Variants in ZNF100 observed in about 807,000 individuals in gnomAD.
ZNF100 encodes the protein zinc finger protein 100.
Under a neutral mutation model 15.8 loss-of-function variants are expected in ZNF100, and 12 were observed. The observed-to-expected ratio is 0.76, with a 90% CI of 0.49 to 1.23. The LOEUF (loss-of-function observed/expected upper bound fraction) is 1.23, where lower values mean the gene tolerates loss of function less well. ZNF100 is among the 50% of genes most tolerant of loss of function. The pLI is 0.00. For missense variants in ZNF100, 670 were observed against 635.6 expected, an observed-to-expected ratio of 1.05 and a Z score of -0.58; for synonymous variants, 226 against 214.8, an observed-to-expected ratio of 1.05 and a Z score of -0.45.
intron 4 of ZNF100, chr19:21,743,323 T>C (rs2036152244): frequency 6.6e-6 from 1 of 152,178 alleles, no homozygotes; most frequent in Non-Finnish European, 1.5e-5. Flanking sequence ...AAAGAATAAA[T>C]ATTGTTAAAG....
In ZNF100 at chr19:21,727,577, G is replaced by A; in HGVS notation, c.735C>T (p.Phe245=). The A allele has an allele frequency of 6.2e-7, 1 of 1,613,710 alleles. No individual in the cohort carries two copies. Among genetic ancestry groups the A allele is most frequent in the Non-Finnish European group, 8.5e-7 (1 of 1,179,790 alleles). The change falls in exon 5 of 5, where the codon TTC becomes TTT. Residue 245 remains phenylalanine (F), a synonymous_variant. Coordinates refer to ENST00000358296, the MANE Select transcript of ZNF100 (RefSeq NM_173531.4). ...TTCTCCTGTGTGTAGTAAGGGTTGAGAACCAGTTGAAGGCTTTGCCACAAT... is the reference window on the plus strand; with the variant it reads ...TTCTCCTGTGTGTAGTAAGGGTTGAAAACCAGTTGAAGGCTTTGCCACAAT... ...CKDCGKAFNW[F]STLTTHRRIH... is the part of the protein sequence containing the mutation.
In ZNF100 at chr19:21,726,633, T is replaced by C. The variant is rs1407344273; in HGVS notation, c.*50A>G. The stretch of plus-strand genomic sequence containing the variant: ...CAGGAGTTCCCTCCAGTATGAATTT[T>C]TTTATGTTTAGTAAGAGTTGAGGAC... On this transcript the variant is annotated 3_prime_UTR_variant, in exon 5 of 5. Coordinates refer to ENST00000358296, the MANE Select transcript of ZNF100 (RefSeq NM_173531.4). The C allele has an allele frequency of 1.3e-6, 2 of 1,517,636 alleles. No individual in the cohort carries two copies. Among genetic ancestry groups the C allele is most frequent in the Non-Finnish European group, 1.8e-6 (2 of 1,126,252 alleles). 94.0% of individuals were successfully genotyped at this position (1,517,636 alleles called of 1,614,324 possible).
At chr19:21,748,380 A>G (rs1357067584) in intron 2 of ZNF100, among the ~76,000 whole-genome samples, 1 of 152,118 alleles carries the variant, frequency 6.6e-6, no homozygotes, top group African/African-American at 2.4e-5. Flanking sequence ...CAGGGAAAGG[A>G]CCCTATGGAG....
In ZNF100 at chr19:21,727,275, T is replaced by C; in HGVS notation, c.1037A>G (p.Lys346Arg). The change falls in exon 5 of 5, where the codon AAA (lysine) becomes AGA (arginine). Residue 346 changes from lysine to arginine, a missense_variant. Lys to Arg is a conservative substitution (Grantham distance 26). Transcript: ENST00000358296. The part of the protein sequence containing the change: ...RIIHTGEKPY[K>R]CEECGKAFNQ... The stretch of plus-strand genomic sequence containing the variant: ...AAAGGCTTTGCCACATTCTTCACAT[T>C]TGTAGGGTTTCTCTCCAGTATGAAT... 1.2e-6 allele frequency: 2 copies of C among 1,613,604 alleles called. No individual in the cohort carries two copies.
At position 21,726,567 on chromosome 19, in the gene ZNF100, T is replaced by A; in HGVS notation, c.*116A>T. The A allele has an allele frequency of 2.2e-6, 2 of 928,524 alleles. No homozygotes were observed. The highest frequency in any genetic ancestry group is 3.2e-6 in the Non-Finnish European group (2 of 626,952). 57.5% of individuals were successfully genotyped at this position (928,524 alleles called of 1,614,324 possible). On this transcript the variant is annotated 3_prime_UTR_variant, in exon 5 of 5. Transcript: ENST00000358296. ...TGAATTATCTTATGTCTGTTAGGAA[T>A]TGAGAATTTATTAAAGGCTTTGCCA...
At chr19:21,730,802 A>G (rs1483804388) in intron 4 of ZNF100, among the ~76,000 whole-genome samples, 1 of 150,286 alleles carries the variant, frequency 6.7e-6, no homozygotes, top group African/African-American at 2.4e-5. Context: ...TATGGATTAT[A>G]TTACATGAAC....
intron 4 of ZNF100, among the ~76,000 whole-genome samples, chr19:21,743,652 T>C (rs1407557164): frequency 6.6e-6 from 1 of 152,034 alleles, no homozygotes; most frequent in Non-Finnish European, 1.5e-5. Context: ...AAAAAATAGT[T>C]TAACATAGAG....
chr19:21,740,302 T>C (rs1435499251), intron 4 of ZNF100, among the ~76,000 whole-genome samples: 1 of 152,172 alleles, frequency 6.6e-6, no homozygotes, highest in Non-Finnish European at 1.5e-5. Flanking sequence ...TTGAACCGTA[T>C]ATAAAAAATG....
Position 21,727,326 on chromosome 19 carries a change from G to T in ZNF100, c.986C>A (p.Ser329Tyr). The T allele has an allele frequency of 6.2e-7, 1 of 1,611,716 alleles. No homozygotes were observed. Among genetic ancestry groups the T allele is most frequent in the Non-Finnish European group, 8.5e-7 (1 of 1,179,244 alleles). Reference protein sequence around the residue: ...CTECGKAFNRSSHLTTHRIIH... With the variant: ...CTECGKAFNRYSHLTTHRIIH... Reference sequence around the variant, plus strand: ...TATCCTGTGTGTAGTAAGGTGTGAGGACCGGTTAAAAGCTTTGCCACATTC... The same window carrying T: ...TATCCTGTGTGTAGTAAGGTGTGAGTACCGGTTAAAAGCTTTGCCACATTC... The change falls in exon 5 of 5, where the codon TCC (serine) becomes TAC (tyrosine). Residue 329 changes from serine to tyrosine, a missense_variant. By Grantham distance (144) the Ser-to-Tyr change is moderately radical. Transcript: ENST00000358296.
At chr19:21,755,310 G>C (rs1225443542) in intron 2 of ZNF100, among the ~76,000 whole-genome samples, 2 of 80,032 alleles carry the variant, frequency 2.5e-5, no homozygotes, top group Non-Finnish European at 5.8e-5. Flanking sequence ...TCCGTCTCAA[G>C]AAAAAAGAAA....
intron 1 of ZNF100, among the ~76,000 whole-genome samples, chr19:21,766,414 C>T: frequency 3.4e-5 from 1 of 29,344 alleles, no homozygotes; most frequent in South Asian, 1.5e-3. Flanking sequence ...TGGGTTCCTA[C>T]TTAAAAAAAA....
At chr19:21,730,874 AAC>A (rs1450724727) in intron 4 of ZNF100, among the ~76,000 whole-genome samples, 1 of 152,224 alleles carries the variant, frequency 6.6e-6, no homozygotes, top group Non-Finnish European at 1.5e-5. Context: ...TATGGAAATT[AAC>A]ACACTCTTGA....
chr19:21,737,607 C>A (rs190794200), intron 4 of ZNF100, among the ~76,000 whole-genome samples: 14 of 149,726 alleles, frequency 9.4e-5, no homozygotes, highest in Admixed American at 9.3e-4. Context: ...CACCACTATG[C>A]ACATAAACTG....
intron 4 of ZNF100, among the ~76,000 whole-genome samples, chr19:21,738,907 T>C (rs8113652): frequency 0.68 from 103,629 of 152,042 alleles, 36,291 homozygotes; most frequent in East Asian, 0.78. Flanking sequence ...ATGGTACCAT[T>C]GCACTCCAGC....
chr19:21,763,983 A>C (rs903904429), intron 2 of ZNF100, among the ~76,000 whole-genome samples: 1 of 152,196 alleles, frequency 6.6e-6, no homozygotes, highest in African/African-American at 2.4e-5. Context: ...TAACAACTTC[A>C]TCATCAGCAA....
Position 21,745,713 on chromosome 19 carries a change from G to A in ZNF100, c.97-646C>T, listed in dbSNP as rs368696311. On this transcript the variant is annotated intron_variant, in intron 2 of 4. Transcript: ENST00000358296. ...AATTTTTTGTATTTTTAGTAGAGAC[G>A]GGGTTTCACCTTGTTAGCCAGGATG... is the stretch of plus-strand genomic sequence containing the variant. 3.3e-5 allele frequency among the ~76,000 whole-genome samples: 5 copies of A among 151,940 alleles called. No homozygotes were observed. The East Asian group carries it at 9.7e-4, about 29-fold the overall frequency.
rs2035723161 is a variant in ZNF100 at position 21,723,746 on chromosome 19, G to A, written c.*2937C>T. 6.6e-6 allele frequency: 1 copy of A among 152,130 alleles called. No individual in the cohort carries two copies. The highest frequency in any genetic ancestry group is 2.4e-5 in the African/African-American group (1 of 41,424). The allele number at this position is 152,130 out of a possible 1,614,324, so 9.4% of individuals were successfully genotyped here. On this transcript the variant is annotated 3_prime_UTR_variant, in exon 5 of 5. Coordinates refer to ENST00000358296, the MANE Select transcript of ZNF100 (RefSeq NM_173531.4). ...GAGCATCTGTTACACAGCAAGAACT[G>A]TCATGTATGTTTGCTACATTTAAAT...
Position 21,727,330 on chromosome 19 carries a change from G to T in ZNF100, c.982C>A (p.Arg328=), listed in dbSNP as rs764040283. The T allele has an allele frequency of 1.2e-6, 2 of 1,611,596 alleles. No individual in the cohort carries two copies. Among genetic ancestry groups the T allele is most frequent in the African/African-American group, 2.7e-5 (2 of 74,512 alleles). The part of the protein sequence containing the change: ...KCTECGKAFN[R]SSHLTTHRII... ...CTGTGTGTAGTAAGGTGTGAGGACC[G>T]GTTAAAAGCTTTGCCACATTCTGTA... is the stretch of plus-strand genomic sequence containing the variant. The change falls in exon 5 of 5, where the codon CGG becomes AGG. Residue 328 remains arginine, a synonymous_variant. Transcript: ENST00000358296.
intron 4 of ZNF100, among the ~76,000 whole-genome samples, chr19:21,741,749 C>A (rs1227488092): frequency 1.3e-5 from 2 of 152,012 alleles, no homozygotes; most frequent in African/African-American, 2.4e-5. Flanking sequence ...AATTATGGCT[C>A]ACTTCAGCCT....
Sources: gnomAD v4.1 joint callset for allele counts (sites outside exome capture counted in the v4.1 genomes callset) on GRCh38, gnomAD v4.1.1 for gene constraint, MANE v1.5 for transcripts, NCBI Gene and HGNC (gene_info 2026-07-23, HGNC 2026-07-21) for gene names.